HGS: variants seen among roughly 807,000 people sequenced by gnomAD.
HGS encodes human growth factor-regulated tyrosine kinase substrate.
Under a neutral mutation model 109.7 loss-of-function variants are expected in HGS, and 63 were observed. The observed-to-expected ratio is 0.57, with a 90% confidence interval of 0.47 to 0.71. The LOEUF (loss-of-function observed/expected upper bound fraction) is 0.71, where lower values mean the gene tolerates loss of function less well. HGS is among the 30% of genes least tolerant of loss of function. HGS has a pLI of 0.00. For missense variants in HGS, 995 were observed against 1,068.3 expected, an observed-to-expected ratio of 0.93 and a Z score of 0.96; for synonymous variants, 546 against 437.3, an observed-to-expected ratio of 1.25 and a Z score of -3.10.
At chr17:81,701,302 G>A (rs2037233866) in intron 21 of HGS, 171 bp downstream of exon 21, 1 of 792,472 alleles carries the variant, frequency 1.3e-6, no homozygotes, top group Admixed American at 2.4e-5. Context: ...CAAGTCTCAG[G>A]GCAGATACGC....
intron 15 of HGS, 163 bp downstream of exon 15, chr17:81,696,162 C>A: frequency 1.1e-6 from 1 of 903,850 alleles, no homozygotes; most frequent in Non-Finnish European, 1.6e-6. Context: ...CAGTGATGAC[C>A]ATGCCCTGCC....
chr17:81,693,283 C>A (rs1017341208), intron 8 of HGS, among the ~76,000 whole-genome samples: 2 of 152,232 alleles, frequency 1.3e-5, no homozygotes, highest in African/African-American at 4.8e-5. Flanking sequence ...CTGGGGCTTA[C>A]CCTGAGGGAC....
At chr17:81,690,939 GC>G in intron 7 of HGS, 197 bp downstream of exon 7, 1 of 547,194 alleles carries the variant, frequency 1.8e-6, no homozygotes, top group African/African-American at 1.9e-5. Flanking sequence ...CACTGCCTGG[GC>G]CGGGCCCAGC....
rs558992188 is a variant in HGS, at chr17:81,693,544, C to G, written c.704C>G (p.Pro235Arg). ...GKATSTTELPPEYLTSPLSQQ... is the reference protein window; with the variant it reads ...GKATSTTELPREYLTSPLSQQ... ...GCCACTTCCACCACTGAGCTGCCCC[C>G]CGAGTACCTGACCAGCCCCCTGTCT... is the stretch of plus-strand genomic sequence containing the variant. Residue 235 changes from proline (P) to arginine (R), a missense_variant, in exon 9 of 22, where the codon CCC becomes CGC. Physicochemically the swap from Pro to Arg is moderately radical, Grantham distance 103. Coordinates refer to ENST00000329138, the MANE Select transcript of HGS (RefSeq NM_004712.5). 17 of 1,613,266 alleles carry G rather than the reference C, an allele frequency of 1.1e-5. No homozygotes were observed. The highest frequency in any genetic ancestry group is 1.4e-5 in the Non-Finnish European group (17 of 1,179,696).
At position 81,701,082 on chromosome 17, in the gene HGS, T is replaced by C. The variant is rs1328886425; in HGVS notation, c.2174T>C (p.Leu725Pro). The change falls in exon 21 of 22, where the codon CTG (leucine) becomes CCG (proline). Residue 725 changes from leucine to proline, a missense_variant. Leu to Pro is a moderately conservative substitution (Grantham distance 98). Around this residue, in one of 6 missense-constraint regions of HGS, gnomAD observed 326 missense variants for 309.7 expected, o/e 1.05. Coordinates refer to ENST00000329138, the MANE Select transcript of HGS (RefSeq NM_004712.5). Reference protein sequence around the residue: ...MTTLPSQDASLPPQQPYIAGQ... With the variant: ...MTTLPSQDASPPPQQPYIAGQ... The stretch of plus-strand genomic sequence containing the variant: ...ACCCTCCCAAGCCAGGATGCGTCTC[T>C]GCCACCCCAGCAGCCCTACATCGCG... The C allele has an allele frequency of 2.5e-6, 4 of 1,614,076 alleles. No homozygotes were observed. Among genetic ancestry groups the C allele is most frequent in the Non-Finnish European group, 3.4e-6 (4 of 1,180,030 alleles).
intron 1 of HGS, 78 bp downstream of exon 1, chr17:81,684,181 G>A (rs2036930751): frequency 3.2e-6 from 4 of 1,269,464 alleles, no homozygotes; most frequent in Non-Finnish European, 4.1e-6. Flanking sequence ...GCGGCCCCGA[G>A]GGCCCGAGGG....
chr17:81,687,042 C>G lies in HGS; in HGVS notation c.238C>G (p.His80Asp), dbSNP rs2036990092. 6.2e-7 allele frequency: 1 copy of G among 1,613,272 alleles called. No homozygotes were observed. ...SVVKNCGQTVHDEVANKQTME... is the reference protein window; with the variant it reads ...SVVKNCGQTVDDEVANKQTME... ...GGTAAAGAACTGTGGCCAGACAGTT[C>G]ATGATGAGGTGGCCAACAAGCAGAC... The change falls in exon 4 of 22, where the codon CAT becomes GAT. Residue 80 changes from histidine to aspartate, a missense_variant. Around this residue, in one of 6 missense-constraint regions of HGS, gnomAD observed 182 missense variants for 261.3 expected, o/e 0.70. Transcript: ENST00000329138.
At chr17:81,699,102 A>T (rs1457740005) in intron 18 of HGS, among the ~76,000 whole-genome samples, 1 of 152,038 alleles carries the variant, frequency 6.6e-6, no homozygotes, top group Non-Finnish European at 1.5e-5. Flanking sequence ...TAATTCCAGT[A>T]CTTGCAATTT....
intron 21 of HGS, 91 bp downstream of exon 21, chr17:81,701,222 T>C: frequency 8.5e-7 from 1 of 1,179,306 alleles, no homozygotes; most frequent in Non-Finnish European, 1.3e-6. Context: ...CAGTGGGGAT[T>C]GTCCCGTACG....
At position 81,691,331 on chromosome 17, in the gene HGS, T is replaced by C; in HGVS notation, c.538-116T>C. 1.5e-6 allele frequency: 2 copies of C among 1,317,996 alleles called. No individual in the cohort carries two copies. The highest frequency in any genetic ancestry group is 2.1e-6 in the Non-Finnish European group (2 of 938,276). 81.6% of individuals were successfully genotyped at this position (1,317,996 alleles called of 1,614,324 possible). ...CCCAGGCACTTGTTCTGCTTGTCCC[T>C]TGCCTTCCCCCACCTGTGAGGCCCA... On this transcript the variant is annotated intron_variant, in intron 7 of 21. Coordinates refer to ENST00000329138, the MANE Select transcript of HGS (RefSeq NM_004712.5). The surrounding 1 kb of genome is among the most constrained non-coding windows in gnomAD (Gnocchi z 5.3).
At chr17:81,699,321 T>A (rs1412410097) in intron 18 of HGS, among the ~76,000 whole-genome samples, 1 of 152,258 alleles carries the variant, frequency 6.6e-6, no homozygotes, top group Non-Finnish European at 1.5e-5. Context: ...GTTACTGGAA[T>A]TCACTATCCC....
chr17:81,690,910 C>G (rs2037053768), intron 7 of HGS, 168 bp downstream of exon 7: 1 of 580,362 alleles, frequency 1.7e-6, no homozygotes, highest in Non-Finnish European at 3.0e-6. Context: ...CAGTGAGGGC[C>G]CACGTAAGGG....
At chr17:81,685,115 C>T (rs761418471) in intron 1 of HGS, 42 of 973,688 alleles carry the variant, frequency 4.3e-5, no homozygotes, top group Non-Finnish European at 5.0e-5. Context: ...CCCTTATTTC[C>T]AAAGCACTTG....
In HGS at chr17:81,701,956, GCTGGCTGTGGTGT is replaced by G. The variant is rs1422472911; in HGVS notation, c.*343_*355del. ...CCTGTGCCCTCTGGCCGCACTGTGA[GCTGGCTGTGGTGT>G]CTGGGTGTGGCCTGGGGCTCCCTCT... On this transcript the variant is annotated 3_prime_UTR_variant, in exon 22 of 22. Coordinates refer to ENST00000329138, the MANE Select transcript of HGS (RefSeq NM_004712.5). The G allele has an allele frequency of 4.3e-6, 1 of 229,910 alleles. No individual in the cohort carries two copies. The highest frequency in any genetic ancestry group is 2.3e-5 in the African/African-American group (1 of 43,860). The allele number at this position is 229,910 out of a possible 1,614,324, so 14.2% of individuals were successfully genotyped here.
rs59387473 is a variant in HGS, at chr17:81,697,349, G to GCCCCCCCCCCC, written c.1882+355_1882+365dup. ...GCACGCCCCCTGCTGCGTGGCATTT[G>GCCCCCCCCCCC]CCCCCCCCCCCCCCGCCTTTAATCT... On this transcript the variant is annotated intron_variant, in intron 18 of 21. Transcript: ENST00000329138. 1.1e-4 allele frequency: 7 copies of GCCCCCCCCCCC among 61,802 alleles called. 1 individual carries two copies. The highest frequency in any genetic ancestry group is 3.0e-4 in the African/African-American group (4 of 13,122). 3.8% of individuals were successfully genotyped at this position (61,802 alleles called of 1,614,324 possible).
rs748437065 is a variant in HGS at position 81,693,911 on chromosome 17, C to A, written c.882C>A (p.Pro294=). 2 of 1,611,814 alleles carry A rather than the reference C, an allele frequency of 1.2e-6. No homozygotes were observed. Among genetic ancestry groups the A allele is most frequent in the Non-Finnish European group, 1.7e-6 (2 of 1,179,832 alleles). Residue 294 remains proline (P), a synonymous_variant, in exon 11 of 22, where the codon CCC becomes CCA. Coordinates refer to ENST00000329138, the MANE Select transcript of HGS (RefSeq NM_004712.5). ...STYTSYPKAE[P]MPSASSAPPA... is the part of the protein sequence containing the mutation. The stretch of plus-strand genomic sequence containing the variant: ...ACACTTCGTACCCCAAGGCGGAGCC[C>A]ATGCCCTCGGCCTCCTCAGCGCCCC...
Position 81,700,678 on chromosome 17 carries a change from A to G in HGS, c.2017-17A>G. On this transcript the variant is annotated splice_polypyrimidine_tract_variant and intron_variant, in intron 19 of 21. Coordinates refer to ENST00000329138, the MANE Select transcript of HGS (RefSeq NM_004712.5). ...CAGCCCCAGCCCCTTCTCCCATGGCACTCATTCCCTCCGCAGAACGTGGCC... is the reference window on the plus strand; with the variant it reads ...CAGCCCCAGCCCCTTCTCCCATGGCGCTCATTCCCTCCGCAGAACGTGGCC... 7.0e-7 allele frequency: 1 copy of G among 1,436,592 alleles called. No individual in the cohort carries two copies. Among genetic ancestry groups the G allele is most frequent in the South Asian group, 1.2e-5 (1 of 86,780 alleles). The allele number at this position is 1,436,592 out of a possible 1,614,324, so 89.0% of individuals were successfully genotyped here. A position where few individuals can be genotyped will look rare whatever the true frequency, so the allele number is the denominator to read the frequency against.
chr17:81,699,489 G>A (rs931425802), intron 18 of HGS, among the ~76,000 whole-genome samples: 2 of 152,186 alleles, frequency 1.3e-5, no homozygotes, highest in African/African-American at 2.4e-5. Flanking sequence ...GCAGTGGTGC[G>A]ACGTCAGCTC....
chr17:81,689,152 G>A (rs756139013), intron 5 of HGS, among the ~76,000 whole-genome samples: 2 of 152,228 alleles, frequency 1.3e-5, no homozygotes, highest in Non-Finnish European at 2.9e-5. Flanking sequence ...GGCCTCTGAA[G>A]GAGCTGTCCC....
Sources: allele counts gnomAD v4.1 joint callset (sites outside exome capture counted in the v4.1 genomes callset), GRCh38; gene constraint gnomAD v4.1.1; regional missense constraint gnomAD v4.1.1; non-coding constraint Gnocchi (gnomAD v3.1); transcripts MANE v1.5; gene names NCBI Gene and HGNC (gene_info 2026-07-23, HGNC 2026-07-21).